CDH4: variants seen among roughly 807,000 people sequenced by gnomAD.
CDH4 encodes cadherin 4, also known as cadherin-4.
In CDH4, 33 loss-of-function variants were observed where a neutral mutation model predicts 86.0. The ratio of observed to expected loss-of-function variants is 0.38; its 90% confidence interval spans 0.29 to 0.51. The LOEUF is 0.51. Among genes scored for constraint, CDH4 ranks in the 20% least tolerant of loss-of-function variants. The pLI, the probability that CDH4 is intolerant of heterozygous loss-of-function variation, is 0.86. For missense variants in CDH4, 1,114 were observed against 1,307.4 expected (o/e 0.85, Z 2.28); for synonymous variants, 555 against 549.4 (o/e 1.01, Z -0.14).
chr20:61,554,396 G>A (rs1417055122), intron 2 of CDH4, among the ~76,000 whole-genome samples: 1 of 152,214 alleles, frequency 6.6e-6, no homozygotes, highest in Non-Finnish European at 1.5e-5. Context: ...GGCTGCCCTT[G>A]AAACATTATG....
At chr20:61,892,641 G>A (rs1228105944) in intron 7 of CDH4, among the ~76,000 whole-genome samples, 1 of 152,216 alleles carries the variant, frequency 6.6e-6, no homozygotes, top group East Asian at 1.9e-4. Context: ...GCCATGTTGA[G>A]GGTTTGGATG....
intron 2 of CDH4, among the ~76,000 whole-genome samples, chr20:61,398,663 C>A (rs2085032539): frequency 6.6e-6 from 1 of 152,252 alleles, no homozygotes; most frequent in Admixed American, 6.5e-5. Flanking sequence ...CCACCTCACT[C>A]CATGTCTACG....
intron 6 of CDH4, among the ~76,000 whole-genome samples, chr20:61,872,986 A>C (rs764680653): frequency 2.0e-5 from 3 of 152,252 alleles, no homozygotes; most frequent in Admixed American, 2.0e-4. Flanking sequence ...GAAAGGCTGC[A>C]CAGCCAAAGA....
At chr20:61,513,827 A>G (rs766299932) in intron 2 of CDH4, among the ~76,000 whole-genome samples, 48 of 152,190 alleles carry the variant, frequency 3.2e-4, no homozygotes, top group Admixed American at 7.8e-4. Context: ...CGGGCCTGGC[A>G]TCTGAGCCCC....
Position 61,856,541 on chromosome 20 carries a change from C to T in CDH4, c.877+3643C>T, listed in dbSNP as rs533495279. Among the ~76,000 whole-genome samples the T allele has an allele frequency of 1.6e-4, 24 of 151,138 alleles. No individual in the cohort carries two copies. In the South Asian group the frequency reaches 2.5e-3, roughly 16 times the overall value. On this transcript the variant is annotated intron_variant, in intron 6 of 15. Transcript: ENST00000614565. ...TCCCACACTCTTCCCCACCTCCCCC[C>T]GCCGGGATCCACAAGGGTTCTGCGT...
intron 2 of CDH4, among the ~76,000 whole-genome samples, chr20:61,398,433 G>A (rs1272639138): frequency 6.6e-6 from 1 of 152,228 alleles, no homozygotes; most frequent in Non-Finnish European, 1.5e-5. Context: ...TGTATACACA[G>A]AGGAGATTTC....
intron 6 of CDH4, among the ~76,000 whole-genome samples, chr20:61,853,305 G>A (rs1982826995): frequency 6.6e-6 from 1 of 152,136 alleles, no homozygotes; most frequent in South Asian, 2.1e-4. Flanking sequence ...GGAGCAAGGT[G>A]CCCATGCCAG....
chr20:61,283,968 A>G (rs891135518), intron 2 of CDH4, among the ~76,000 whole-genome samples: 2 of 152,128 alleles, frequency 1.3e-5, no homozygotes, highest in Non-Finnish European at 2.9e-5. Flanking sequence ...GCCCCAATCA[A>G]TCCCACATTT....
At chr20:61,399,058 G>A (rs962250859) in intron 2 of CDH4, among the ~76,000 whole-genome samples, 3 of 151,866 alleles carry the variant, frequency 2.0e-5, no homozygotes, top group African/African-American at 7.3e-5. Context: ...TTTATACTAA[G>A]TCCTTAAAGC....
intron 4 of CDH4, among the ~76,000 whole-genome samples, chr20:61,786,363 G>A (rs575923739): frequency 2.6e-5 from 4 of 152,014 alleles, no homozygotes; most frequent in Non-Finnish European, 4.4e-5. Flanking sequence ...TCTGCGAGTC[G>A]CCCGGCAGCC....
At chr20:61,333,639 C>A (rs1220407055) in intron 2 of CDH4, among the ~76,000 whole-genome samples, 1 of 152,246 alleles carries the variant, frequency 6.6e-6, no homozygotes, top group Non-Finnish European at 1.5e-5. Context: ...AGAGCCCTTA[C>A]CCCGGGCCAC....
rs543350392 is a variant in CDH4, at chr20:61,493,428, C to T, written c.169+238491C>T. ...AGTCTTCCCCTCTGCAGGTCATCAC[C>T]TCTGTTGCCCCATAAAAATAAGTTG... On this transcript the variant is annotated intron_variant, in intron 2 of 15. Transcript: ENST00000614565. 3.9e-5 allele frequency among the ~76,000 whole-genome samples: 6 copies of T among 152,328 alleles called. No individual in the cohort carries two copies. In the East Asian group the frequency reaches 5.8e-4, roughly 15 times the overall value.
At chr20:61,587,094 T>C (rs545427769) in intron 2 of CDH4, among the ~76,000 whole-genome samples, 86 of 152,292 alleles carry the variant, frequency 5.6e-4, no homozygotes, top group African/African-American at 2.0e-3. Flanking sequence ...TGGTGGGCAC[T>C]GCTTCTCAGC....
chr20:61,462,588 G>GAGCAGACCTGGGTGCCGAA (rs11466872), intron 2 of CDH4, among the ~76,000 whole-genome samples: 70,457 of 151,858 alleles, frequency 0.46, 16,654 homozygotes, highest in Admixed American at 0.54. Context: ...CATTGCTCCT[G>GAGCAGACCTGGGTGCCGAA]AGCCTCCCTC....
intron 2 of CDH4, among the ~76,000 whole-genome samples, chr20:61,431,280 A>G (rs1352779836): frequency 6.6e-6 from 1 of 151,504 alleles, no homozygotes; most frequent in Non-Finnish European, 1.5e-5. Flanking sequence ...AGGAAGTTTT[A>G]TTTGTCAAAT....
At chr20:61,686,192 TTCTAC>T (rs1465647327) in intron 2 of CDH4, among the ~76,000 whole-genome samples, 1 of 152,176 alleles carries the variant, frequency 6.6e-6, no homozygotes, top group African/African-American at 2.4e-5. Flanking sequence ...ACTCCTAGAG[TTCTAC>T]AAACTGTTTG....
intron 5 of CDH4, among the ~76,000 whole-genome samples, chr20:61,850,548 C>T (rs1982668115): frequency 6.6e-6 from 1 of 152,260 alleles, no homozygotes; most frequent in Non-Finnish European, 1.5e-5. Flanking sequence ...TCAACAGACA[C>T]ATTTCCCCCG....
chr20:61,663,532 G>T lies in CDH4; in HGVS notation c.170-80031G>T, dbSNP rs2087285271. ...GCCGAGTGGGTCAGAGGGGCCGGAG[G>T]AAGGTGAACAGGGCAGGGGGCAGTG... On this transcript the variant is annotated intron_variant, in intron 2 of 15. Coordinates refer to ENST00000614565, the MANE Select transcript of CDH4 (RefSeq NM_001794.5). The surrounding 1 kb of genome is among the most constrained non-coding windows in gnomAD (Gnocchi z 5.0). 6.6e-6 allele frequency among the ~76,000 whole-genome samples: 1 copy of T among 152,184 alleles called. No individual in the cohort carries two copies. Among genetic ancestry groups the T allele is most frequent in the African/African-American group, 2.4e-5 (1 of 41,440 alleles).
intron 2 of CDH4, among the ~76,000 whole-genome samples, chr20:61,626,167 G>A (rs146280565): frequency 6.6e-6 from 1 of 152,318 alleles, no homozygotes; most frequent in African/African-American, 2.4e-5. Context: ...CATTCTAGAG[G>A]TGGCAGTGGG....
Sources: allele counts gnomAD v4.1 joint callset (sites outside exome capture counted in the v4.1 genomes callset), GRCh38; gene constraint gnomAD v4.1.1; non-coding constraint Gnocchi (gnomAD v3.1); transcripts MANE v1.5; gene names NCBI Gene and HGNC (gene_info 2026-07-23, HGNC 2026-07-21).